SLC6A9: variants seen among roughly 807,000 people sequenced by gnomAD.
SLC6A9 encodes solute carrier family 6 member 9, also known as sodium- and chloride-dependent glycine transporter 1.
Under a neutral mutation model 70.9 loss-of-function variants are expected in SLC6A9, and 31 were observed. The ratio of observed to expected loss-of-function variants is 0.44; its 90% CI spans 0.33 to 0.59. The LOEUF (loss-of-function observed/expected upper bound fraction) is 0.59, where lower values mean the gene tolerates loss of function less well. Among genes scored for constraint, SLC6A9 ranks in the 20% least tolerant of loss-of-function variants. The pLI is 0.04. For missense variants in SLC6A9, 631 were observed against 845.2 expected (o/e 0.75, Z 3.14); for synonymous variants, 310 against 341.3 (o/e 0.91, Z 1.01).
chr1:44,016,976 C>A, intron 2 of SLC6A9: 1 of 1,473,556 alleles, frequency 6.8e-7, no homozygotes. Context: ...GCCCCTCTCC[C>A]CATCCGCAGC....
chr1:44,001,712 C>T (rs986411337), intron 8 of SLC6A9, 85 bp from the exon 9 acceptor site: 1 of 983,020 alleles, frequency 1.0e-6, no homozygotes, highest in Non-Finnish European at 1.6e-6. Flanking sequence ...GTTCTAGGTA[C>T]AAAGGCACCC....
intron 3 of SLC6A9, chr1:44,010,477 T>C (rs1414594178): frequency 3.3e-5 from 4 of 119,962 alleles, no homozygotes; most frequent in Non-Finnish European, 3.8e-5. Flanking sequence ...GGGGGTTAGG[T>C]CCTTTTCTCA....
rs1166137023 is a variant in SLC6A9, at chr1:43,997,457, G to A, written c.*88C>T. The stretch of plus-strand genomic sequence containing the variant: ...CCGTCCTGGCCAGGGCGTGGCAGGG[G>A]GCAGGCAGAGACACCTGGCCTCTGC... On this transcript the variant is annotated 3_prime_UTR_variant, in exon 14 of 14. Coordinates refer to ENST00000372310, the MANE Select transcript of SLC6A9 (RefSeq NM_001024845.3). This position sits in a 1 kb window ranked among gnomAD's most constrained non-coding sequence, Gnocchi z 4.4. 27 of 1,206,636 alleles carry A rather than the reference G, an allele frequency of 2.2e-5. No homozygotes were observed. In the East Asian group the frequency reaches 6.0e-4, roughly 27 times the overall value. 74.7% of individuals were successfully genotyped at this position (1,206,636 alleles called of 1,614,324 possible). A position where few individuals can be genotyped will look rare whatever the true frequency, so the allele number is the denominator to read the frequency against.
intron 12 of SLC6A9, among the ~76,000 whole-genome samples, chr1:43,998,776 A>G (rs2085977487): frequency 6.6e-6 from 1 of 152,182 alleles, no homozygotes; most frequent in South Asian, 2.1e-4. Flanking sequence ...CTGCCTGTCT[A>G]TGGCCGTGGA....
intron 3 of SLC6A9, 91 bp downstream of exon 3, chr1:44,010,635 G>A: frequency 7.7e-7 from 1 of 1,296,514 alleles, no homozygotes; most frequent in Non-Finnish European, 1.1e-6. Context: ...CCTTTATCTG[G>A]AGTGGGTCTG....
At chr1:44,011,354 G>A (rs1247292345) in intron 2 of SLC6A9, among the ~76,000 whole-genome samples, 1 of 152,130 alleles carries the variant, frequency 6.6e-6, no homozygotes. Context: ...GCTGCCCCTG[G>A]GCAGGCGACT....
At chr1:44,006,514 G>T (rs2154305233) in intron 5 of SLC6A9, among the ~76,000 whole-genome samples, 1 of 148,312 alleles carries the variant, frequency 6.7e-6, no homozygotes, top group South Asian at 2.1e-4. Context: ...CTTACCCCGG[G>T]AGGCAGAGGT....
intron 12 of SLC6A9, among the ~76,000 whole-genome samples, chr1:44,000,180 C>CAAGGAAAG: frequency 6.6e-6 from 1 of 152,222 alleles, no homozygotes; most frequent in Non-Finnish European, 1.5e-5. Context: ...GTGGAAAGTG[C>CAAGGAAAG]CTGCTTCCTT....
chr1:44,008,641 T>C lies in SLC6A9; in HGVS notation c.320-18A>G, dbSNP rs1571874217. 6.2e-7 allele frequency: 1 copy of C among 1,607,036 alleles called. No homozygotes were observed. Among genetic ancestry groups the C allele is most frequent in the Non-Finnish European group, 8.5e-7 (1 of 1,175,178 alleles). On this transcript the variant is annotated intron_variant, in intron 4 of 13. Transcript: ENST00000372310. ...GCCCACTCCTGCAGGAGGGGAGGGG[T>C]GGGGGGAGGAGCCTCAGCATCCAGC...
intron 1 of SLC6A9, among the ~76,000 whole-genome samples, chr1:44,028,695 C>T (rs1408890097): frequency 6.6e-6 from 1 of 151,978 alleles, no homozygotes; most frequent in East Asian, 1.9e-4. Context: ...ACAGAGGTTG[C>T]AGTGAGTCAA....
Position 44,000,795 on chromosome 1 carries a change from C to T in SLC6A9, c.1508G>A (p.Trp503Ter). ...GATGATGGCGGGAGAGACGAAGCGC[C>T]AGCAGATCTGAAAGAAGAGGGGTGG... is the stretch of plus-strand genomic sequence containing the variant. Reference protein sequence around the residue: ...FPPPLFFQICWRFVSPAIIFF... With the variant: ...FPPPLFFQIC The change falls in exon 12 of 14, where the codon TGG (tryptophan) becomes TAG (stop). Residue 503 changes from tryptophan (W) to a stop codon, truncating the protein, a stop_gained. Transcript: ENST00000372310. LOFTEE classifies it high-confidence loss of function. 1 of 1,611,314 alleles carries T rather than the reference C, an allele frequency of 6.2e-7. No homozygotes were observed. Among genetic ancestry groups the T allele is most frequent in the Non-Finnish European group, 8.5e-7 (1 of 1,178,652 alleles).
chr1:44,026,037 C>T (rs2086976650), intron 1 of SLC6A9, among the ~76,000 whole-genome samples: 1 of 152,258 alleles, frequency 6.6e-6, no homozygotes, highest in Non-Finnish European at 1.5e-5. Context: ...CAAATCAGGC[C>T]TTGGCATTTT....
rs148411057 is a variant in SLC6A9, at chr1:44,027,883, G to A, written c.-86+3423C>T. On this transcript the variant is annotated intron_variant, in intron 1 of 13. Transcript: ENST00000372310. ...CCAACTACTTGGGAGGCTGAGGCAG[G>A]AGAATCACTTGAATCCAGGAGGCAG... Among the ~76,000 whole-genome samples the A allele has an allele frequency of 5.0e-3, 769 of 152,320 alleles. 7 individuals carry two copies. The highest frequency in any genetic ancestry group is 0.018 in the African/African-American group (737 of 41,566).
intron 8 of SLC6A9, 52 bp from the exon 9 acceptor site, chr1:44,001,679 GA>G: frequency 7.0e-7 from 1 of 1,419,976 alleles, no homozygotes; most frequent in African/African-American, 1.4e-5. Context: ...TTTGGGCCAA[GA>G]GGAGACATGG....
chr1:44,028,189 A>G (rs185012131), intron 1 of SLC6A9, among the ~76,000 whole-genome samples: 72 of 152,316 alleles, frequency 4.7e-4, no homozygotes, highest in Non-Finnish European at 7.3e-5. Flanking sequence ...CAAATGGAAC[A>G]ATATGTGGAA....
chr1:44,026,197 G>A (rs1411535587), intron 1 of SLC6A9, among the ~76,000 whole-genome samples: 5 of 152,216 alleles, frequency 3.3e-5, no homozygotes, highest in African/African-American at 9.7e-5. Context: ...GGCAAGTAGG[G>A]GAAGCGCGGG....
At chr1:44,020,953 G>A (rs1455475559) in intron 2 of SLC6A9, among the ~76,000 whole-genome samples, 3 of 152,234 alleles carry the variant, frequency 2.0e-5, no homozygotes, top group African/African-American at 7.2e-5. Context: ...AGTGTGCTCA[G>A]ACATGGGAAG....
chr1:44,022,290 G>A (rs1451047569), intron 2 of SLC6A9, among the ~76,000 whole-genome samples: 1 of 152,174 alleles, frequency 6.6e-6, no homozygotes, highest in Non-Finnish European at 1.5e-5. Flanking sequence ...AGAGCAACCA[G>A]GGAGGACTCA....
intron 2 of SLC6A9, among the ~76,000 whole-genome samples, chr1:44,020,098 C>T (rs1260800944): frequency 2.0e-5 from 3 of 152,200 alleles, no homozygotes; most frequent in Non-Finnish European, 4.4e-5. Flanking sequence ...ATTGCTTAGG[C>T]TGTCCTGGCT....
Sources: gnomAD v4.1 joint callset for allele counts (sites outside exome capture counted in the v4.1 genomes callset) on GRCh38, gnomAD v4.1.1 for gene constraint, Gnocchi (gnomAD v3.1) non-coding constraint, MANE v1.5 for transcripts, NCBI Gene and HGNC (gene_info 2026-07-23, HGNC 2026-07-21) for gene names.